The following PXDNL variants were observed in gnomAD, a reference collection of about 807,000 sequenced individuals.
PXDNL encodes peroxidasin like.
PXDNL carries 145 observed loss-of-function variants against 150.8 expected under a neutral mutation model. The observed-to-expected ratio is 0.96, with a 90% CI of 0.84 to 1.10. PXDNL has a LOEUF of 1.10. Among genes scored for constraint, PXDNL ranks in the 50% least tolerant of loss-of-function variants. The pLI is 0.00. For missense variants in PXDNL, 2,087 were observed against 1,873.9 expected, an observed-to-expected ratio of 1.11 and a Z score of -2.10; for synonymous variants, 757 against 725.7, an observed-to-expected ratio of 1.04 and a Z score of -0.69.
intron 10 of PXDNL, among the ~76,000 whole-genome samples, chr8:51,451,417 T>C (rs576188648): frequency 1.8e-3 from 277 of 152,344 alleles, no homozygotes; most frequent in African/African-American, 6.3e-3. Context: ...ATGATGAAGC[T>C]GACATCTTTG....
At chr8:51,808,299 A>C (rs1453976734) in intron 1 of PXDNL, among the ~76,000 whole-genome samples, 1 of 152,146 alleles carries the variant, frequency 6.6e-6, no homozygotes, top group Non-Finnish European at 1.5e-5. Context: ...TAGAGCAGGA[A>C]ACCTCTTTAG....
chr8:51,453,849 T>C (rs1268587556), intron 9 of PXDNL, 64 bp from the exon 10 acceptor site: 16 of 1,535,510 alleles, frequency 1.0e-5, no homozygotes, highest in Non-Finnish European at 1.4e-5. Context: ...TTATTTATTC[T>C]GCATTGTGGT....
chr8:51,590,943 C>T (rs2130652420), intron 3 of PXDNL, among the ~76,000 whole-genome samples: 1 of 152,234 alleles, frequency 6.6e-6, no homozygotes, highest in East Asian at 1.9e-4. Context: ...AGGCAGAATG[C>T]TACAGTTTAA....
chr8:51,646,830 G>A (rs927698468), intron 2 of PXDNL, among the ~76,000 whole-genome samples: 6 of 152,130 alleles, frequency 3.9e-5, no homozygotes, highest in African/African-American at 1.4e-4. Flanking sequence ...AGAGATAGGG[G>A]ACAACCGCAA....
chr8:51,353,531 C>A (rs1184785390), intron 19 of PXDNL, among the ~76,000 whole-genome samples: 1 of 151,960 alleles, frequency 6.6e-6, no homozygotes, highest in Non-Finnish European at 1.5e-5. Context: ...TTCTCAGTAG[C>A]TATTTTCTTT....
chr8:51,448,731 A>AC (rs1809738708), intron 11 of PXDNL, among the ~76,000 whole-genome samples: 1 of 147,686 alleles, frequency 6.8e-6, no homozygotes, highest in Non-Finnish European at 1.5e-5. Context: ...AAACAAACAA[A>AC]ACAACTGTAC....
intron 20 of PXDNL, among the ~76,000 whole-genome samples, chr8:51,343,341 A>C (rs760473393): frequency 2.0e-5 from 3 of 152,244 alleles, no homozygotes; most frequent in Non-Finnish European, 2.9e-5. Context: ...TAAGCACAAC[A>C]GAAACAATCT....
At chr8:51,582,673 A>G (rs1417727814) in intron 3 of PXDNL, among the ~76,000 whole-genome samples, 1 of 152,162 alleles carries the variant, frequency 6.6e-6, no homozygotes, top group East Asian at 1.9e-4. Flanking sequence ...AGAATGTAAA[A>G]TGATGTTTTT....
At chr8:51,703,314 C>A (rs1298038718) in intron 1 of PXDNL, among the ~76,000 whole-genome samples, 4 of 151,228 alleles carry the variant, frequency 2.6e-5, no homozygotes, top group Non-Finnish European at 5.9e-5. Context: ...AAGATAGTGG[C>A]ATTTCTTATT....
In PXDNL at chr8:51,449,054, C is replaced by T. The variant is rs776195441; in HGVS notation, c.1314G>A (p.Trp438Ter). Residue 438 changes from tryptophan (W) to a stop codon, truncating the protein, a stop_gained, in exon 11 of 23, where the codon TGG becomes TGA. Transcript: ENST00000356297. LOFTEE classifies it high-confidence loss of function. ...QVVLEEHAVE[W>*]LCEADGNPPP... Reference sequence around the variant, plus strand: ...GTGGGTTGCCGTCAGCTTCACAGAGCCACTCTACAGCATGTTCTTCCAGCA... The same window carrying T: ...GTGGGTTGCCGTCAGCTTCACAGAGTCACTCTACAGCATGTTCTTCCAGCA... 9.3e-5 allele frequency: 145 copies of T among 1,553,056 alleles called. 2 individuals are homozygous for T. In the South Asian group the frequency reaches 1.5e-3, roughly 16 times the overall value.
intron 1 of PXDNL, among the ~76,000 whole-genome samples, chr8:51,720,812 G>A (rs909445656): frequency 6.6e-6 from 1 of 152,200 alleles, no homozygotes; most frequent in Non-Finnish European, 1.5e-5. Flanking sequence ...CCCTCTTGCT[G>A]CCAGCTCCCC....
chr8:51,541,424 A>G (rs1282970579), intron 4 of PXDNL, among the ~76,000 whole-genome samples: 1 of 152,178 alleles, frequency 6.6e-6, no homozygotes, highest in African/African-American at 2.4e-5. Flanking sequence ...TGAGGGCTCC[A>G]TCCAATGCTA....
chr8:51,660,646 A>G (rs1815251895), intron 1 of PXDNL, among the ~76,000 whole-genome samples: 8 of 152,146 alleles, frequency 5.3e-5, no homozygotes, highest in Admixed American at 5.2e-4. Context: ...AAGCATTCCT[A>G]TTGAAGGTAA....
At chr8:51,336,762 A>G (rs1207454569) in intron 21 of PXDNL, among the ~76,000 whole-genome samples, 1 of 152,174 alleles carries the variant, frequency 6.6e-6, no homozygotes, top group African/African-American at 2.4e-5. Flanking sequence ...CCTATCAGTC[A>G]GGCATTTGCT....
chr8:51,596,576 T>A (rs1028569324), intron 2 of PXDNL, among the ~76,000 whole-genome samples: 2 of 152,222 alleles, frequency 1.3e-5, no homozygotes, highest in African/African-American at 4.8e-5. Context: ...TGTTTTTTAC[T>A]TTTTAATAAT....
intron 4 of PXDNL, among the ~76,000 whole-genome samples, chr8:51,547,645 G>A (rs1462072282): frequency 6.6e-6 from 1 of 152,148 alleles, no homozygotes; most frequent in Non-Finnish European, 1.5e-5. Context: ...GAAAAGGGGA[G>A]AAAACCACAT....
intron 14 of PXDNL, among the ~76,000 whole-genome samples, chr8:51,415,462 A>T (rs1808771153): frequency 6.6e-6 from 1 of 152,174 alleles, no homozygotes; most frequent in African/African-American, 2.4e-5. Context: ...GAGAGGCTAC[A>T]CAATTTTAAA....
intron 21 of PXDNL, among the ~76,000 whole-genome samples, chr8:51,333,247 A>G (rs1304266873): frequency 1.3e-5 from 2 of 151,538 alleles, no homozygotes; most frequent in African/African-American, 4.9e-5. Context: ...TAAGCAACAT[A>G]TATGAAGGAA....
At chr8:51,760,980 T>G (rs1748939901) in intron 1 of PXDNL, among the ~76,000 whole-genome samples, 1 of 144,026 alleles carries the variant, frequency 6.9e-6, no homozygotes, top group African/African-American at 2.6e-5. Flanking sequence ...TGCCTCAGCC[T>G]CCGGAGTAGC....
Sources: allele counts gnomAD v4.1 joint callset (sites outside exome capture counted in the v4.1 genomes callset), GRCh38; gene constraint gnomAD v4.1.1; transcripts MANE v1.5; gene names NCBI Gene and HGNC (gene_info 2026-07-23, HGNC 2026-07-21).